Variants in ZNF804A observed in about 807,000 individuals in gnomAD.
ZNF804A encodes the protein zinc finger protein 804A.
Under a neutral mutation model 16.5 loss-of-function variants are expected in ZNF804A, and 2 were observed. That is an observed-to-expected ratio of 0.12 (90% CI 0.05 to 0.38). The LOEUF (loss-of-function observed/expected upper bound fraction) is 0.38, where lower values mean the gene tolerates loss of function less well. Ranked by LOEUF, ZNF804A falls within the 10% of genes least tolerant of loss-of-function variation. The pLI is 0.99. For synonymous variants in ZNF804A, 534 were observed against 489.6 expected, an observed-to-expected ratio of 1.09 and a Z score of -1.20; for missense variants, 1,473 against 1,390.7, an observed-to-expected ratio of 1.06 and a Z score of -0.94.
chr2:184,919,436 C>A (rs1685498113), intron 2 of ZNF804A, among the ~76,000 whole-genome samples: 1 of 152,176 alleles, frequency 6.6e-6, no homozygotes, highest in South Asian at 2.1e-4. Context: ...CCTGTTCCTG[C>A]CACCATGGCC....
intron 2 of ZNF804A, among the ~76,000 whole-genome samples, chr2:184,869,378 C>T (rs1022651591): frequency 6.6e-6 from 1 of 151,840 alleles, no homozygotes; most frequent in African/African-American, 2.4e-5. Flanking sequence ...TCATTTCCTA[C>T]AGAGATATGA....
chr2:184,793,146 T>C (rs1203868600), intron 1 of ZNF804A, among the ~76,000 whole-genome samples: 8 of 152,194 alleles, frequency 5.3e-5, no homozygotes, highest in Non-Finnish European at 7.4e-5. Flanking sequence ...GGTGTATATG[T>C]ACCATGTTTT....
intron 1 of ZNF804A, among the ~76,000 whole-genome samples, chr2:184,655,469 G>T (rs1692061169): frequency 6.6e-6 from 1 of 152,144 alleles, no homozygotes; most frequent in Non-Finnish European, 1.5e-5. Flanking sequence ...AGTGTCTCAG[G>T]TGGGATGCAT....
At chr2:184,639,531 A>G (rs1691758918) in intron 1 of ZNF804A, among the ~76,000 whole-genome samples, 1 of 152,178 alleles carries the variant, frequency 6.6e-6, no homozygotes, top group Non-Finnish European at 1.5e-5. Context: ...GATTGAGAAT[A>G]TGTTTAATAT....
At chr2:184,877,153 T>G (rs1264744388) in intron 2 of ZNF804A, among the ~76,000 whole-genome samples, 1 of 152,154 alleles carries the variant, frequency 6.6e-6, no homozygotes, top group African/African-American at 2.4e-5. Context: ...TCAGTGAAAC[T>G]GTACAGCTTT....
At chr2:184,648,390 G>A (rs761488823) in intron 1 of ZNF804A, among the ~76,000 whole-genome samples, 2 of 152,038 alleles carry the variant, frequency 1.3e-5, no homozygotes, top group African/African-American at 2.4e-5. Flanking sequence ...CTTCTTGATA[G>A]GATAAAAATC....
intron 1 of ZNF804A, among the ~76,000 whole-genome samples, chr2:184,709,708 G>T (rs1348015860): frequency 6.6e-6 from 1 of 151,200 alleles, no homozygotes; most frequent in African/African-American, 2.4e-5. Context: ...CCAAAATAAT[G>T]ATTTTTGCAT....
At position 184,764,956 on chromosome 2, in the gene ZNF804A, C is replaced by CA. The variant is rs558569040; in HGVS notation, c.112-101404dup. 8.0e-4 allele frequency among the ~76,000 whole-genome samples: 121 copies of CA among 150,634 alleles called. 1 individual carries two copies. The East Asian group carries it at 9.5e-3, about 12-fold the overall frequency. ...ATGACTAGAAATTTTATTTAGAAAA[C>CA]AAAAAAAAACTATTTTTTTAAAAAA... On this transcript the variant is annotated intron_variant, in intron 1 of 3. Transcript: ENST00000302277.
intron 1 of ZNF804A, among the ~76,000 whole-genome samples, chr2:184,626,163 C>T (rs556748009): frequency 6.6e-6 from 1 of 152,086 alleles, no homozygotes; most frequent in Admixed American, 6.6e-5. Context: ...CCACCGCGCC[C>T]GGCCCGGATT....
chr2:184,890,553 T>C (rs966565012), intron 2 of ZNF804A, among the ~76,000 whole-genome samples: 1 of 152,106 alleles, frequency 6.6e-6, no homozygotes, highest in Non-Finnish European at 1.5e-5. Context: ...TTAGACCTCA[T>C]TAACCCTGGT....
At chr2:184,899,920 T>G (rs541107734) in intron 2 of ZNF804A, among the ~76,000 whole-genome samples, 123 of 152,092 alleles carry the variant, frequency 8.1e-4, no homozygotes, top group African/African-American at 2.5e-3. Flanking sequence ...AGATACATTT[T>G]TAAGATAAAT....
chr2:184,770,735 T>C (rs1303102315), intron 1 of ZNF804A, among the ~76,000 whole-genome samples: 2 of 152,034 alleles, frequency 1.3e-5, no homozygotes, highest in Admixed American at 1.3e-4. Flanking sequence ...AGAGTACCAC[T>C]ACCAAATATC....
chr2:184,661,766 A>T (rs1297297841), intron 1 of ZNF804A, among the ~76,000 whole-genome samples: 1 of 152,156 alleles, frequency 6.6e-6, no homozygotes, highest in Non-Finnish European at 1.5e-5. Flanking sequence ...TTCACCAGGG[A>T]CCAGTCCCTG....
intron 2 of ZNF804A, among the ~76,000 whole-genome samples, chr2:184,880,739 TCTC>T (rs1684797718): frequency 6.6e-6 from 1 of 151,974 alleles, no homozygotes; most frequent in Non-Finnish European, 1.5e-5. Flanking sequence ...GGAGACAACA[TCTC>T]CTGAAGTCCT....
At chr2:184,914,918 T>G (rs963303187) in intron 2 of ZNF804A, among the ~76,000 whole-genome samples, 2 of 151,764 alleles carry the variant, frequency 1.3e-5, no homozygotes, top group Non-Finnish European at 2.9e-5. Flanking sequence ...TTATTTGATA[T>G]GTTGATTTAC....
At chr2:184,669,232 A>AT (rs1366286357) in intron 1 of ZNF804A, among the ~76,000 whole-genome samples, 7 of 152,144 alleles carry the variant, frequency 4.6e-5, no homozygotes, top group South Asian at 4.1e-4. Context: ...GAGAATACAT[A>AT]TTTTTTCTGG....
At chr2:184,653,658 G>A (rs1331635789) in intron 1 of ZNF804A, among the ~76,000 whole-genome samples, 2 of 152,190 alleles carry the variant, frequency 1.3e-5, no homozygotes, top group African/African-American at 2.4e-5. Context: ...TTCCAATGGG[G>A]TGGGCTGCCC....
chr2:184,868,803 T>G (rs960157069), intron 2 of ZNF804A, among the ~76,000 whole-genome samples: 1 of 151,942 alleles, frequency 6.6e-6, no homozygotes, highest in African/African-American at 2.4e-5. Context: ...TAAACATACT[T>G]AAGACAAAGC....
chr2:184,817,724 G>C (rs978889925), intron 1 of ZNF804A, among the ~76,000 whole-genome samples: 6 of 151,970 alleles, frequency 3.9e-5, no homozygotes, highest in African/African-American at 1.4e-4. Flanking sequence ...TGACCTCATG[G>C]AGCTGAAAAA....
Sources: allele counts gnomAD v4.1 joint callset (sites outside exome capture counted in the v4.1 genomes callset), GRCh38; gene constraint gnomAD v4.1.1; transcripts MANE v1.5; gene names NCBI Gene and HGNC (gene_info 2026-07-23, HGNC 2026-07-21).